RTN1: variants seen among roughly 807,000 people sequenced by gnomAD.
RTN1 encodes the protein reticulon-1.
RTN1 carries 25 observed loss-of-function variants against 65.5 expected under a neutral mutation model. The ratio of observed to expected loss-of-function variants is 0.38; its 90% confidence interval spans 0.28 to 0.53. RTN1 has a LOEUF of 0.53. Among genes scored for constraint, RTN1 ranks in the 20% least tolerant of loss-of-function variants. The probability of loss-of-function intolerance (pLI) is 0.79; values close to 1 mark genes in which losing one functional copy is unlikely to be tolerated. For synonymous variants in RTN1, 471 were observed against 447.6 expected (o/e 1.05, Z -0.66); for missense variants, 983 against 1,025.4 (o/e 0.96, Z 0.57).
intron 1 of RTN1, among the ~76,000 whole-genome samples, chr14:59,762,581 G>T (rs897518373): frequency 6.6e-6 from 1 of 152,182 alleles, no homozygotes; most frequent in Admixed American, 6.5e-5. Context: ...TTGTCGTGAT[G>T]ATTAAAGGAG....
chr14:59,746,085 G>A lies in RTN1; in HGVS notation c.638C>T (p.Pro213Leu). Residue 213 changes from proline (P) to leucine (L), a missense_variant, in exon 2 of 9, where the codon CCC becomes CTC. Around this residue, in one of 2 missense-constraint regions of RTN1, gnomAD observed 818 missense variants for 801.8 expected, o/e 1.02. Transcript: ENST00000267484. ...EEVKHQEQHHPELEDKDLDFK... is the reference protein window; with the variant it reads ...EEVKHQEQHHLELEDKDLDFK... ...GTCCAAGTCTTTATCTTCCAGCTCG[G>A]GGTGATGTTGTTCTTGGTGCTTCAC... 1.2e-6 allele frequency: 2 copies of A among 1,613,936 alleles called. No individual in the cohort carries two copies. The highest frequency in any genetic ancestry group is 1.7e-6 in the Non-Finnish European group (2 of 1,179,992).
intron 3 of RTN1, among the ~76,000 whole-genome samples, chr14:59,702,197 G>A (rs925969352): frequency 2.0e-5 from 3 of 152,040 alleles, no homozygotes; most frequent in African/African-American, 7.2e-5. Flanking sequence ...TTAAATAAGG[G>A]CCTTTAATTG....
chr14:59,673,593 T>A (rs1320272286), intron 3 of RTN1, among the ~76,000 whole-genome samples: 1 of 152,076 alleles, frequency 6.6e-6, no homozygotes, highest in African/African-American at 2.4e-5. Flanking sequence ...AGTCTGGGGT[T>A]TTTATGGGCT....
chr14:59,601,776 C>T (rs970687676), intron 8 of RTN1, among the ~76,000 whole-genome samples: 1 of 152,142 alleles, frequency 6.6e-6, no homozygotes, highest in African/African-American at 2.4e-5. Flanking sequence ...GGTTACCAAT[C>T]CTAGACATTC....
intron 2 of RTN1, among the ~76,000 whole-genome samples, chr14:59,736,276 T>C (rs1375506371): frequency 6.6e-6 from 1 of 151,570 alleles, no homozygotes. Flanking sequence ...AAATCAACCA[T>C]TAGCTAGACT....
chr14:59,622,110 C>T (rs887033626), intron 3 of RTN1, among the ~76,000 whole-genome samples: 21 of 152,036 alleles, frequency 1.4e-4, no homozygotes, highest in East Asian at 3.9e-4. Context: ...CTGAGGCGGG[C>T]GGATCATCTG....
chr14:59,706,761 A>G (rs544539680), intron 3 of RTN1, among the ~76,000 whole-genome samples: 17 of 152,366 alleles, frequency 1.1e-4, no homozygotes, highest in African/African-American at 3.4e-4. Context: ...GTTCTGCTCA[A>G]ACTGACCTTT....
chr14:59,661,694 T>G (rs1319333672), intron 3 of RTN1, among the ~76,000 whole-genome samples: 1 of 152,124 alleles, frequency 6.6e-6, no homozygotes, highest in Non-Finnish European at 1.5e-5. Flanking sequence ...TTCGATAAAA[T>G]TCAACACCCC....
chr14:59,771,685 A>G (rs953494190), intron 1 of RTN1, among the ~76,000 whole-genome samples: 1 of 152,284 alleles, frequency 6.6e-6, no homozygotes, highest in Admixed American at 6.5e-5. Flanking sequence ...ATCCACCATA[A>G]ATTTCAAATA....
rs955159266 is a variant in RTN1 at position 59,847,272 on chromosome 14, A to G, written c.241+23118T>C. Among the ~76,000 whole-genome samples, 18 of 152,344 alleles carry G rather than the reference A, an allele frequency of 1.2e-4. 1 individual carries two copies. Among genetic ancestry groups the G allele is most frequent in the Admixed American group, 8.5e-4 (13 of 15,294 alleles). On this transcript the variant is annotated intron_variant, in intron 1 of 8. Coordinates refer to ENST00000267484, the MANE Select transcript of RTN1 (RefSeq NM_021136.3). ...ATCCACAAACATGTAGCATAATAGT[A>G]TCTGGCAGGTAAGTGTATAACAATG...
Position 59,836,669 on chromosome 14 carries a change from G to A in RTN1, c.241+33721C>T, listed in dbSNP as rs1282742227. 6.6e-6 allele frequency among the ~76,000 whole-genome samples: 1 copy of A among 152,088 alleles called. No homozygotes were observed. Among genetic ancestry groups the A allele is most frequent in the East Asian group, 1.9e-4 (1 of 5,192 alleles). On this transcript the variant is annotated intron_variant, in intron 1 of 8. Transcript: ENST00000267484. This position sits in a 1 kb window ranked among gnomAD's most constrained non-coding sequence, Gnocchi z 4.9. ...AGGAATCCAGAATGACAGGGCAAAGGGTGTGTTGGGGAGTAGTGAGAGAGA... is the reference window on the plus strand; with the variant it reads ...AGGAATCCAGAATGACAGGGCAAAGAGTGTGTTGGGGAGTAGTGAGAGAGA...
At chr14:59,604,163 G>A (rs113367473) in intron 5 of RTN1, 126 of 264,072 alleles carry the variant, frequency 4.8e-4, no homozygotes, top group African/African-American at 2.6e-3. Flanking sequence ...AATAATCTAC[G>A]AAGCTGTGGC....
intron 1 of RTN1, among the ~76,000 whole-genome samples, chr14:59,814,046 A>AGGGACTCC (rs1594753170): frequency 6.6e-6 from 1 of 152,332 alleles, no homozygotes; most frequent in East Asian, 1.9e-4. Context: ...AGTCCCAGGC[A>AGGGACTCC]GGGACTCCTG....
chr14:59,834,473 C>G, intron 1 of RTN1, among the ~76,000 whole-genome samples: 1 of 152,006 alleles, frequency 6.6e-6, no homozygotes, highest in East Asian at 1.9e-4. Context: ...TGATAAAGGA[C>G]TTGTGTGCAG....
rs2139480267 is a variant in RTN1 at position 59,728,000 on chromosome 14, C to T, written c.1016-332G>A. Among the ~76,000 whole-genome samples, 1 of 152,296 alleles carries T rather than the reference C, an allele frequency of 6.6e-6. No homozygotes were observed. Among genetic ancestry groups the T allele is most frequent in the African/African-American group, 2.4e-5 (1 of 41,576 alleles). ...TTCCTGTTTCAATGCAGAGAAGATT[C>T]TACAAGTCATCGTTTTAATTTCTGA... On this transcript the variant is annotated intron_variant, in intron 2 of 8. Coordinates refer to ENST00000267484, the MANE Select transcript of RTN1 (RefSeq NM_021136.3). This position sits in a 1 kb window ranked among gnomAD's most constrained non-coding sequence, Gnocchi z 4.2.
rs146113678 is a variant in RTN1 at position 59,816,170 on chromosome 14, C to T, written c.241+54220G>A. Among the ~76,000 whole-genome samples, 2 of 152,278 alleles carry T rather than the reference C, an allele frequency of 1.3e-5. No homozygotes were observed. Among genetic ancestry groups the T allele is most frequent in the African/African-American group, 4.8e-5 (2 of 41,550 alleles). On this transcript the variant is annotated intron_variant, in intron 1 of 8. Coordinates refer to ENST00000267484, the MANE Select transcript of RTN1 (RefSeq NM_021136.3). The surrounding 1 kb of genome is among the most constrained non-coding windows in gnomAD (Gnocchi z 4.3). Reference sequence around the variant, plus strand: ...TTATAATTATCTTTACTGCTACATGCATACTTTTAGAGACTAAAGTATGCA... The same window carrying T: ...TTATAATTATCTTTACTGCTACATGTATACTTTTAGAGACTAAAGTATGCA...
Position 59,596,664 on chromosome 14 carries a change from A to C in RTN1, c.*81T>G. On this transcript the variant is annotated 3_prime_UTR_variant, in exon 9 of 9. Coordinates refer to ENST00000267484, the MANE Select transcript of RTN1 (RefSeq NM_021136.3). The stretch of plus-strand genomic sequence containing the variant: ...CTGGAGGGAGGGGGGAAAGACAATC[A>C]ATTTGCAGTAATGAGTAAGAAGAGA... The C allele has an allele frequency of 9.4e-7, 1 of 1,059,338 alleles. No homozygotes were observed. The highest frequency in any genetic ancestry group is 1.3e-5 in the South Asian group (1 of 79,536). The allele number at this position is 1,059,338 out of a possible 1,614,324, so 65.6% of individuals were successfully genotyped here. A position where few individuals can be genotyped will look rare whatever the true frequency, so the allele number is the denominator to read the frequency against.
chr14:59,676,348 T>C (rs1157976818), intron 3 of RTN1, among the ~76,000 whole-genome samples: 2 of 152,240 alleles, frequency 1.3e-5, no homozygotes, highest in Non-Finnish European at 2.9e-5. Context: ...ACTGTTCTTT[T>C]CTGTGATATA....
intron 2 of RTN1, among the ~76,000 whole-genome samples, chr14:59,730,969 G>C (rs1884883787): frequency 6.6e-6 from 1 of 152,084 alleles, no homozygotes; most frequent in Admixed American, 6.5e-5. Flanking sequence ...TAAACATAGA[G>C]TCATCATATG....
Sources: allele counts gnomAD v4.1 joint callset (sites outside exome capture counted in the v4.1 genomes callset), GRCh38; gene constraint gnomAD v4.1.1; regional missense constraint gnomAD v4.1.1; non-coding constraint Gnocchi (gnomAD v3.1); transcripts MANE v1.5; gene names NCBI Gene and HGNC (gene_info 2026-07-23, HGNC 2026-07-21).